ATP10D: variants seen among roughly 807,000 people sequenced by gnomAD.
The protein encoded by ATP10D is ATPase phospholipid transporting 10D (putative), also known as phospholipid-transporting ATPase VD.
Under a neutral mutation model 144.8 loss-of-function variants are expected in ATP10D, and 89 were observed. The ratio of observed to expected loss-of-function variants is 0.61; its 90% CI spans 0.52 to 0.73. The LOEUF is 0.73. Among genes scored for constraint, ATP10D ranks in the 30% least tolerant of loss-of-function variants. The probability of loss-of-function intolerance (pLI) is 0.00; values close to 1 mark genes in which losing one functional copy is unlikely to be tolerated. For missense variants in ATP10D, 1,603 were observed against 1,714.8 expected (o/e 0.93, Z 1.15); for synonymous variants, 571 against 615.1 (o/e 0.93, Z 1.06).
At position 47,525,538 on chromosome 4, in the gene ATP10D, A is replaced by G. The variant is rs1471429678; in HGVS notation, c.691-19A>G. On this transcript the variant is annotated intron_variant, in intron 4 of 22. Coordinates refer to ENST00000273859, the MANE Select transcript of ATP10D (RefSeq NM_020453.4). ...TTTAACCTTGAATTCTTATTTTGTG[A>G]TTCAAAAAATATTTTTAGGACTCTG... 3 of 1,567,424 alleles carry G rather than the reference A, an allele frequency of 1.9e-6. No homozygotes were observed. Among genetic ancestry groups the G allele is most frequent in the African/African-American group, 1.4e-5 (1 of 73,860 alleles).
chr4:47,553,311 C>T (rs1413622265), intron 10 of ATP10D, among the ~76,000 whole-genome samples: 2 of 152,192 alleles, frequency 1.3e-5, no homozygotes, highest in African/African-American at 4.8e-5. Context: ...TAATTAACAG[C>T]CATCAGCTCA....
chr4:47,504,631 C>T (rs975489797), intron 1 of ATP10D, among the ~76,000 whole-genome samples: 5 of 151,940 alleles, frequency 3.3e-5, no homozygotes, highest in African/African-American at 7.3e-5. Flanking sequence ...GGCGTGATCT[C>T]GGCTCACTGC....
chr4:47,588,875 G>A (rs983729919), intron 22 of ATP10D, among the ~76,000 whole-genome samples: 5 of 152,046 alleles, frequency 3.3e-5, no homozygotes, highest in African/African-American at 4.8e-5. Context: ...TAATATTATC[G>A]TGGTATGCTA....
chr4:47,557,615 A>G (rs1719045093), intron 11 of ATP10D, 49 bp from the exon 12 acceptor site: 1 of 1,468,614 alleles, frequency 6.8e-7, no homozygotes, highest in African/African-American at 1.4e-5. Flanking sequence ...CAAAGTTGTT[A>G]GAAACTGCTT....
chr4:47,500,911 A>G (rs1308710913), intron 1 of ATP10D, among the ~76,000 whole-genome samples: 1 of 152,198 alleles, frequency 6.6e-6, no homozygotes, highest in Non-Finnish European at 1.5e-5. Flanking sequence ...CATGGCGTGG[A>G]AATGCAGTAT....
intron 21 of ATP10D, among the ~76,000 whole-genome samples, chr4:47,585,234 G>C (rs1325578776): frequency 2.0e-5 from 3 of 151,380 alleles, no homozygotes; most frequent in Non-Finnish European, 2.9e-5. Flanking sequence ...TTATAACAGA[G>C]AATATTAATA....
At chr4:47,565,529 T>G (rs1226766932) in intron 15 of ATP10D, among the ~76,000 whole-genome samples, 5 of 152,228 alleles carry the variant, frequency 3.3e-5, no homozygotes, top group Non-Finnish European at 5.9e-5. Context: ...CTTAGGGAGT[T>G]ACTTACCCTC....
At chr4:47,497,443 G>A (rs1051024979) in intron 1 of ATP10D, among the ~76,000 whole-genome samples, 1 of 151,742 alleles carries the variant, frequency 6.6e-6, no homozygotes, top group East Asian at 1.9e-4. Flanking sequence ...CAACAAGAGC[G>A]AAACTCCGTC....
intron 20 of ATP10D, 105 bp from the exon 21 acceptor site, chr4:47,581,841 GCCAGTTCACAGGGA>G: frequency 1.4e-6 from 1 of 726,050 alleles, no homozygotes; most frequent in East Asian, 2.6e-5. Flanking sequence ...ATTTCATATG[GCCAGTTCACAGGGA>G]CCTTGTAGAA....
chr4:47,540,261 G>A (rs1045644176), intron 9 of ATP10D, among the ~76,000 whole-genome samples: 1 of 152,152 alleles, frequency 6.6e-6, no homozygotes, highest in African/African-American at 2.4e-5. Context: ...AGACAATTTG[G>A]TGAAGAATAT....
chr4:47,517,095 A>G (rs746458675), intron 3 of ATP10D, among the ~76,000 whole-genome samples: 6 of 152,212 alleles, frequency 3.9e-5, no homozygotes, highest in Non-Finnish European at 7.3e-5. Context: ...TATTATATAT[A>G]TTTTTGAATA....
At chr4:47,570,204 G>A (rs1719877427) in intron 16 of ATP10D, among the ~76,000 whole-genome samples, 1 of 152,168 alleles carries the variant, frequency 6.6e-6, no homozygotes, top group Non-Finnish European at 1.5e-5. Context: ...GGGTTGGGAC[G>A]TGGTCAGATG....
chr4:47,565,083 C>A (rs374140889), intron 15 of ATP10D, among the ~76,000 whole-genome samples: 13 of 152,308 alleles, frequency 8.5e-5, no homozygotes, highest in Middle Eastern at 3.4e-3. Flanking sequence ...CTCAGCCTCC[C>A]GAGTAGCTGG....
chr4:47,531,937 C>T (rs1269345213), intron 5 of ATP10D, among the ~76,000 whole-genome samples: 5 of 152,162 alleles, frequency 3.3e-5, no homozygotes, highest in Admixed American at 1.3e-4. Flanking sequence ...TGGTCTGGAG[C>T]ATATAGCACT....
At chr4:47,546,374 G>A (rs545314023) in intron 9 of ATP10D, among the ~76,000 whole-genome samples, 5 of 152,264 alleles carry the variant, frequency 3.3e-5, no homozygotes, top group Non-Finnish European at 5.9e-5. Context: ...AGGAAAGGCC[G>A]AGAGTATGAG....
At chr4:47,540,317 A>T (rs1485030034) in intron 9 of ATP10D, among the ~76,000 whole-genome samples, 2 of 152,134 alleles carry the variant, frequency 1.3e-5, no homozygotes, top group African/African-American at 4.8e-5. Context: ...CACTAAACAC[A>T]CCTGACAACA....
chr4:47,525,106 T>A (rs1717171203), intron 4 of ATP10D, among the ~76,000 whole-genome samples: 2 of 152,336 alleles, frequency 1.3e-5, no homozygotes, highest in African/African-American at 4.8e-5. Flanking sequence ...TAGATATTGA[T>A]GTCTAGTTTA....
At chr4:47,590,841 C>A (rs1720995682) in intron 22 of ATP10D, among the ~76,000 whole-genome samples, 1 of 151,992 alleles carries the variant, frequency 6.6e-6, no homozygotes, top group Non-Finnish European at 1.5e-5. Flanking sequence ...TTACTATTTT[C>A]TAATTGCTTT....
At chr4:47,539,574 G>A (rs1285921149) in intron 9 of ATP10D, among the ~76,000 whole-genome samples, 1 of 152,014 alleles carries the variant, frequency 6.6e-6, no homozygotes, top group Non-Finnish European at 1.5e-5. Flanking sequence ...AAATGGCATC[G>A]CAGTGTGATT....
Sources: allele counts gnomAD v4.1 joint callset (sites outside exome capture counted in the v4.1 genomes callset), GRCh38; gene constraint gnomAD v4.1.1; transcripts MANE v1.5; gene names NCBI Gene and HGNC (gene_info 2026-07-23, HGNC 2026-07-21).